Variants in EPHA6 observed in about 807,000 individuals in gnomAD.
EPHA6 encodes EPH receptor A6.
A neutral mutation model predicts 112.0 loss-of-function variants in EPHA6; 50 were observed. The ratio of observed to expected loss-of-function variants is 0.45; its 90% CI spans 0.36 to 0.56. The LOEUF (loss-of-function observed/expected upper bound fraction) is 0.56, where lower values mean the gene tolerates loss of function less well. Among genes scored for constraint, EPHA6 ranks in the 20% least tolerant of loss-of-function variants. The pLI is 0.00. For missense variants in EPHA6, 1,280 were observed against 1,417.4 expected (o/e 0.90, Z 1.56); for synonymous variants, 529 against 490.7 (o/e 1.08, Z -1.03).
At chr3:97,633,755 C>T (rs920475685) in intron 13 of EPHA6, among the ~76,000 whole-genome samples, 13 of 151,950 alleles carry the variant, frequency 8.6e-5, no homozygotes, top group African/African-American at 3.1e-4. Flanking sequence ...TTCAAGGAAA[C>T]CAATATGTCC....
intron 7 of EPHA6, among the ~76,000 whole-genome samples, chr3:97,464,522 C>T (rs1003598573): frequency 1.6e-4 from 24 of 152,004 alleles, no homozygotes; most frequent in Admixed American, 1.4e-3. Context: ...TAAAACCTCT[C>T]CATGTTTATG....
rs577207788 is a variant in EPHA6 at position 97,522,490 on chromosome 3, G to A, written c.2201-9868G>A. Among the ~76,000 whole-genome samples, 8 of 152,240 alleles carry A rather than the reference G, an allele frequency of 5.3e-5. No individual in the cohort carries two copies. The South Asian group carries it at 1.5e-3, about 28-fold the overall frequency. ...TATTTTTTCATCTACCTTCATCAAG[G>A]ATATAGGCTTGTAGTTCTGTTTTTT... On this transcript the variant is annotated intron_variant, in intron 10 of 17. Coordinates refer to ENST00000389672, the MANE Select transcript of EPHA6 (RefSeq NM_001080448.3).
At chr3:97,681,085 G>A (rs1576276190) in intron 14 of EPHA6, among the ~76,000 whole-genome samples, 1 of 151,968 alleles carries the variant, frequency 6.6e-6, no homozygotes, top group South Asian at 2.1e-4. Flanking sequence ...AATAGGAAGA[G>A]GAATTTACAG....
Position 97,429,096 on chromosome 3 carries a change from A to AT in EPHA6, c.1732-19463dup, listed in dbSNP as rs909888891. Among the ~76,000 whole-genome samples, 139 of 151,630 alleles carry AT rather than the reference A, an allele frequency of 9.2e-4. 3 individuals are homozygous for AT. The highest frequency in any genetic ancestry group is 1.2e-3 in the African/African-American group (48 of 41,344). On this transcript the variant is annotated intron_variant, in intron 6 of 17. Coordinates refer to ENST00000389672, the MANE Select transcript of EPHA6 (RefSeq NM_001080448.3). Reference sequence around the variant, plus strand: ...AAAATCCAGACTTACACAAGCCATGATTTTTTTTTCCATAACAACACATAA... The same window carrying AT: ...AAAATCCAGACTTACACAAGCCATGATTTTTTTTTTCCATAACAACACATAA...
intron 6 of EPHA6, among the ~76,000 whole-genome samples, chr3:97,414,719 G>C (rs1402693141): frequency 6.6e-6 from 1 of 152,020 alleles, no homozygotes; most frequent in Non-Finnish European, 1.5e-5. Context: ...TTGCCTTGGA[G>C]AGTAAAGCAA....
Position 97,244,288 on chromosome 3 carries a change from GT to G in EPHA6, c.1606+2del. The G allele has an allele frequency of 6.2e-7, 1 of 1,612,494 alleles. No homozygotes were observed. On this transcript the variant is annotated splice_donor_variant, in intron 5 of 17. Transcript: ENST00000389672. LOFTEE classifies it high-confidence loss of function. ...ATTACAGTGACCACGGATCAAGATGGTAAGTTCCACTGCTGTTCTCTCAAAA... is the reference window on the plus strand; with the variant it reads ...ATTACAGTGACCACGGATCAAGATGGAAGTTCCACTGCTGTTCTCTCAAAA...
intron 11 of EPHA6, among the ~76,000 whole-genome samples, chr3:97,577,149 A>G (rs984470151): frequency 6.6e-5 from 10 of 152,222 alleles, no homozygotes; most frequent in African/African-American, 2.4e-4. Flanking sequence ...TGCTGGGACT[A>G]CAGCTGAAAG....
chr3:97,341,684 C>CAT (rs2083312196), intron 5 of EPHA6, among the ~76,000 whole-genome samples: 1 of 152,020 alleles, frequency 6.6e-6, no homozygotes, highest in South Asian at 2.1e-4. Context: ...AACATTAGAT[C>CAT]ATATATATAA....
At chr3:96,931,037 T>C (rs1008965383) in intron 2 of EPHA6, among the ~76,000 whole-genome samples, 1 of 147,870 alleles carries the variant, frequency 6.8e-6, no homozygotes, top group African/African-American at 2.5e-5. Flanking sequence ...GCTTTCTGGC[T>C]GCTTTTTGGT....
chr3:97,678,252 C>G (rs1365254248), intron 14 of EPHA6, among the ~76,000 whole-genome samples: 1 of 152,164 alleles, frequency 6.6e-6, no homozygotes, highest in African/African-American at 2.4e-5. Flanking sequence ...CTAAAGAAAA[C>G]AGCCATGACA....
intron 1 of EPHA6, among the ~76,000 whole-genome samples, chr3:96,856,815 G>A (rs766605612): frequency 1.8e-4 from 28 of 152,076 alleles, no homozygotes; most frequent in Non-Finnish European, 4.1e-4. Flanking sequence ...CTTTTGAATG[G>A]ATTTACCTGC....
chr3:97,180,847 T>C (rs1476753057), intron 3 of EPHA6, among the ~76,000 whole-genome samples: 1 of 152,100 alleles, frequency 6.6e-6, no homozygotes, highest in Non-Finnish European at 1.5e-5. Flanking sequence ...CAGCCCTCCC[T>C]TGGCTGTCCT....
chr3:97,496,551 C>T (rs1287725339), intron 10 of EPHA6, among the ~76,000 whole-genome samples: 5 of 151,932 alleles, frequency 3.3e-5, no homozygotes, highest in Admixed American at 3.3e-4. Flanking sequence ...TACAAATAAC[C>T]CTTTATATTT....
At chr3:97,126,897 GAA>G (rs11463537) in intron 3 of EPHA6, among the ~76,000 whole-genome samples, 3 of 126,412 alleles carry the variant, frequency 2.4e-5, no homozygotes, top group Non-Finnish European at 1.7e-5. Context: ...GGGAGAAGGT[GAA>G]AAAAAAAAAA....
chr3:97,051,225 G>A (rs370201610), intron 3 of EPHA6, among the ~76,000 whole-genome samples: 42 of 152,148 alleles, frequency 2.8e-4, no homozygotes, highest in African/African-American at 9.6e-4. Flanking sequence ...AAAACATCTT[G>A]TAAACAACCA....
chr3:97,218,328 A>G (rs1197775812), intron 3 of EPHA6, among the ~76,000 whole-genome samples: 1 of 152,156 alleles, frequency 6.6e-6, no homozygotes. Flanking sequence ...GTCCATTTTC[A>G]TAGTGCTATA....
At position 97,103,513 on chromosome 3, in the gene EPHA6, C is replaced by G. The variant is rs1413768058; in HGVS notation, c.1114+115520C>G. ...TTGGTCTATGTGTCTGTTGTTGTACCAGTACCATGCTGTTTTGGTTAATGT... is the reference window on the plus strand; with the variant it reads ...TTGGTCTATGTGTCTGTTGTTGTACGAGTACCATGCTGTTTTGGTTAATGT... On this transcript the variant is annotated intron_variant, in intron 3 of 17. Coordinates refer to ENST00000389672, the MANE Select transcript of EPHA6 (RefSeq NM_001080448.3). Among the ~76,000 whole-genome samples, 2 of 152,060 alleles carry G rather than the reference C, an allele frequency of 1.3e-5. 1 individual carries two copies. The highest frequency in any genetic ancestry group is 2.9e-5 in the Non-Finnish European group (2 of 68,028).
chr3:97,349,599 A>T (rs977014135), intron 5 of EPHA6, among the ~76,000 whole-genome samples: 1 of 152,092 alleles, frequency 6.6e-6, no homozygotes, highest in South Asian at 2.1e-4. Flanking sequence ...AGTCATAGAG[A>T]GGAAGTATAA....
chr3:97,480,508 G>A (rs369142143), intron 9 of EPHA6, among the ~76,000 whole-genome samples: 1 of 152,120 alleles, frequency 6.6e-6, no homozygotes, highest in African/African-American at 2.4e-5. Context: ...ATTTAACCCT[G>A]AGTGGACACA....
Sources: allele counts gnomAD v4.1 joint callset (sites outside exome capture counted in the v4.1 genomes callset), GRCh38; gene constraint gnomAD v4.1.1; transcripts MANE v1.5; gene names NCBI Gene and HGNC (gene_info 2026-07-23, HGNC 2026-07-21).